Variants in HDHD5 observed in about 807,000 individuals in gnomAD.
The protein encoded by HDHD5 is haloacid dehalogenase like hydrolase domain containing 5.
A neutral mutation model predicts 35.5 loss-of-function variants in HDHD5; 34 were observed. The ratio of observed to expected loss-of-function variants is 0.96; its 90% CI spans 0.73 to 1.28. The LOEUF is 1.28. HDHD5 is among the 50% of genes most tolerant of loss of function. HDHD5 has a pLI of 0.00. For missense variants in HDHD5, 589 were observed against 560.2 expected (o/e 1.05, Z -0.52); for synonymous variants, 248 against 240.6 (o/e 1.03, Z -0.29).
chr22:17,142,862 C>T lies in HDHD5; in HGVS notation c.571+236G>A, dbSNP rs1412494902. The T allele has an allele frequency of 1.8e-4, 87 of 486,968 alleles. 1 individual carries two copies. The South Asian group carries it at 2.4e-3, about 13-fold the overall frequency. 30.2% of individuals were successfully genotyped at this position (486,968 alleles called of 1,614,324 possible). A position where few individuals can be genotyped will look rare whatever the true frequency, so the allele number is the denominator to read the frequency against. On this transcript the variant is annotated intron_variant, in intron 5 of 7. Transcript: ENST00000336737. Reference sequence around the variant, plus strand: ...TAGATCACCTCTAGGTGTCTTTCCACCACTAAAATTCTCTAAGCTTACGGT... The same window carrying T: ...TAGATCACCTCTAGGTGTCTTTCCATCACTAAAATTCTCTAAGCTTACGGT...
At chr22:17,157,026 C>T (rs1017956052) in intron 1 of HDHD5, among the ~76,000 whole-genome samples, 3 of 149,524 alleles carry the variant, frequency 2.0e-5, no homozygotes, top group Admixed American at 6.7e-5. Flanking sequence ...TGCAGTGGAC[C>T]GAGATGGCGC....
intron 6 of HDHD5, 45 bp from the exon 7 acceptor site, chr22:17,138,783 G>C (rs745710664): frequency 6.2e-7 from 1 of 1,608,154 alleles, no homozygotes; most frequent in African/African-American, 1.3e-5. Flanking sequence ...CTGATCTCCA[G>C]GCTCTTCTAG....
At chr22:17,159,297 C>T, upstream of HDHD5, 3 of 1,221,144 alleles carry the variant, frequency 2.5e-6, no homozygotes, top group South Asian at 1.8e-5. Flanking sequence ...CCCCCCCCCC[C>T]CGCGAGTCCG....
chr22:17,162,524 C>A (rs974655977), upstream of HDHD5, among the ~76,000 whole-genome samples: 1 of 152,178 alleles, frequency 6.6e-6, no homozygotes, highest in Non-Finnish European at 1.5e-5. Flanking sequence ...AAAGCAGGAA[C>A]CAGAAATGGG....
At chr22:17,156,480 T>G (rs964119074) in intron 1 of HDHD5, among the ~76,000 whole-genome samples, 2 of 150,642 alleles carry the variant, frequency 1.3e-5, no homozygotes, top group African/African-American at 4.9e-5. Flanking sequence ...GGCGTGGTGG[T>G]GCACACCTGT....
At chr22:17,163,726 TGGCA>T (rs1361105459), upstream of HDHD5, among the ~76,000 whole-genome samples, 1 of 152,246 alleles carries the variant, frequency 6.6e-6, no homozygotes, top group East Asian at 1.9e-4. Flanking sequence ...CAGCCATTCC[TGGCA>T]GGAATCCGAG....
Position 17,148,483 on chromosome 22 carries a change from C to T in HDHD5, c.408G>A (p.Val136=). 6.2e-7 allele frequency: 1 copy of T among 1,614,196 alleles called. No individual in the cohort carries two copies. The highest frequency in any genetic ancestry group is 8.5e-7 in the Non-Finnish European group (1 of 1,180,030). ...TTTCCATCACGGGCCCCTGTCCAGA[C>T]ACCAGCATCCGCTTCTCATGGTACT... ...FSEYHEKRML[V]SGQGPVMENA... is the part of the protein sequence containing the mutation. The change falls in exon 3 of 8, where the codon GTG becomes GTA. Residue 136 remains valine, a synonymous_variant. Coordinates refer to ENST00000336737, the MANE Select transcript of HDHD5 (RefSeq NM_033070.3).
intron 1 of HDHD5, chr22:17,158,583 C>T (rs1033095923): frequency 2.0e-5 from 3 of 152,322 alleles, no homozygotes; most frequent in Admixed American, 2.0e-4. Flanking sequence ...GAGGCTCACA[C>T]ATCACTACCG....
chr22:17,155,009 T>C (rs910944997), intron 1 of HDHD5, among the ~76,000 whole-genome samples: 1 of 152,010 alleles, frequency 6.6e-6, no homozygotes, highest in African/African-American at 2.4e-5. Context: ...TTTAAAATCT[T>C]AGAGCCACAA....
chr22:17,149,858 G>C (rs976967968), intron 1 of HDHD5, 113 bp from the exon 2 acceptor site: 1 of 821,806 alleles, frequency 1.2e-6, no homozygotes, highest in African/African-American at 1.7e-5. Flanking sequence ...ACCTATGTCA[G>C]AAAGAACAAA....
In HDHD5 at chr22:17,154,214, A is replaced by G. The variant is rs1354257457; in HGVS notation, c.127-4469T>C. 2.7e-5 allele frequency among the ~76,000 whole-genome samples: 4 copies of G among 149,090 alleles called. No individual in the cohort carries two copies. In the East Asian group the frequency reaches 6.3e-4, roughly 23 times the overall value. On this transcript the variant is annotated intron_variant, in intron 1 of 7. Transcript: ENST00000336737. ...TTTAAGAAACTTGGCTGGGCACAGTAGCTCACGCCTGTAATCCCAGCACTT... is the reference window on the plus strand; with the variant it reads ...TTTAAGAAACTTGGCTGGGCACAGTGGCTCACGCCTGTAATCCCAGCACTT...
At chr22:17,155,327 C>T (rs1357456128) in intron 1 of HDHD5, among the ~76,000 whole-genome samples, 1 of 150,922 alleles carries the variant, frequency 6.6e-6, no homozygotes, top group Non-Finnish European at 1.5e-5. Context: ...CTCACTACAA[C>T]CTCTGCCTCC....
intron 5 of HDHD5, chr22:17,141,544 GCCA>G (rs2061601488): frequency 2.5e-6 from 3 of 1,179,546 alleles, no homozygotes; most frequent in Admixed American, 1.0e-4. Flanking sequence ...CTGGGACTCT[GCCA>G]CCACATTCTC....
intron 1 of HDHD5, among the ~76,000 whole-genome samples, chr22:17,156,944 G>A (rs1360138607): frequency 6.6e-6 from 1 of 152,102 alleles, no homozygotes; most frequent in East Asian, 1.9e-4. Flanking sequence ...TGGGCGTGGT[G>A]GCAGGCGCCT....
upstream of HDHD5, chr22:17,159,933 C>A (rs1173739674): frequency 6.0e-6 from 1 of 165,936 alleles, no homozygotes; most frequent in African/African-American, 2.4e-5. Context: ...GGAGTAGACA[C>A]AAGGGTGAAT....
intron 3 of HDHD5, 137 bp from the exon 4 acceptor site, chr22:17,145,254 G>T: frequency 6.9e-7 from 1 of 1,450,312 alleles, no homozygotes; most frequent in Non-Finnish European, 9.3e-7. Flanking sequence ...AGCCCAGCAA[G>T]GATGGCACAA....
intron 1 of HDHD5, among the ~76,000 whole-genome samples, chr22:17,156,281 T>C (rs2061789119): frequency 6.6e-6 from 1 of 152,042 alleles, no homozygotes; most frequent in Non-Finnish European, 1.5e-5. Flanking sequence ...GGCTAGTAGG[T>C]GTTTGTGTCT....
intron 6 of HDHD5, among the ~76,000 whole-genome samples, chr22:17,139,486 C>T (rs1001708857): frequency 6.6e-6 from 1 of 151,738 alleles, no homozygotes; most frequent in Non-Finnish European, 1.5e-5. Context: ...CAAGATTGCA[C>T]CACTGCATTC....
upstream of HDHD5, among the ~76,000 whole-genome samples, chr22:17,160,199 G>A (rs189575533): frequency 3.3e-5 from 5 of 152,272 alleles, no homozygotes; most frequent in Non-Finnish European, 7.4e-5. Flanking sequence ...CGAGGATATG[G>A]ACAGAGACTG....
Sources: gnomAD v4.1 joint callset for allele counts (sites outside exome capture counted in the v4.1 genomes callset) on GRCh38, gnomAD v4.1.1 for gene constraint, MANE v1.5 for transcripts, NCBI Gene and HGNC (gene_info 2026-07-23, HGNC 2026-07-21) for gene names.